CDH13: variants seen among roughly 807,000 people sequenced by gnomAD.
CDH13 encodes cadherin-13.
In CDH13, 24 loss-of-function variants were observed where a neutral mutation model predicts 63.8. The observed-to-expected ratio is 0.38, with a 90% confidence interval of 0.27 to 0.53. The LOEUF is 0.53. CDH13 is among the 20% of genes least tolerant of loss of function. The probability of loss-of-function intolerance (pLI) is 0.85; values close to 1 mark genes in which losing one functional copy is unlikely to be tolerated. For synonymous variants in CDH13, 503 were observed against 355.3 expected (o/e 1.42, Z -4.67); for missense variants, 1,049 against 903.1 (o/e 1.16, Z -2.07).
chr16:82,977,796 G>T (rs1025495724), intron 2 of CDH13, among the ~76,000 whole-genome samples: 1 of 152,180 alleles, frequency 6.6e-6, no homozygotes, highest in Non-Finnish European at 1.5e-5. Flanking sequence ...GCAGAGGTAG[G>T]AACAGTTTGG....
intron 1 of CDH13, among the ~76,000 whole-genome samples, chr16:82,844,055 C>G (rs2039145376): frequency 6.6e-6 from 1 of 152,118 alleles, no homozygotes; most frequent in Admixed American, 6.5e-5. Context: ...AGTAATGGTC[C>G]CGTAATAAGT....
rs536613608 is a variant in CDH13 at position 83,103,576 on chromosome 16, A to T, written c.367-21809A>T. 4.6e-5 allele frequency among the ~76,000 whole-genome samples: 7 copies of T among 152,308 alleles called. No individual in the cohort carries two copies. The South Asian group carries it at 1.2e-3, about 27-fold the overall frequency. ...AACTTTTAATGTGGAAAGACAGCAC[A>T]TGCAGGAGATAAGAGGTAGAGTGGG... On this transcript the variant is annotated intron_variant, in intron 3 of 13. Coordinates refer to ENST00000567109, the MANE Select transcript of CDH13 (RefSeq NM_001257.5).
At chr16:82,675,667 C>A (rs974675793) in intron 1 of CDH13, among the ~76,000 whole-genome samples, 1 of 152,174 alleles carries the variant, frequency 6.6e-6, no homozygotes, top group Non-Finnish European at 1.5e-5. Flanking sequence ...GACTCACGTT[C>A]CTGCTTTTGG....
intron 6 of CDH13, among the ~76,000 whole-genome samples, chr16:83,359,103 G>A (rs2091110940): frequency 6.6e-6 from 1 of 152,046 alleles, no homozygotes; most frequent in Non-Finnish European, 1.5e-5. Flanking sequence ...AGTGAATCAA[G>A]TTGAAGTGCA....
intron 6 of CDH13, among the ~76,000 whole-genome samples, chr16:83,396,265 C>G (rs942784228): frequency 6.6e-6 from 1 of 152,114 alleles, no homozygotes; most frequent in Non-Finnish European, 1.5e-5. Flanking sequence ...GTTTTGTGAG[C>G]TATAAAATGG....
chr16:83,618,393 T>TTA (rs1384965973), intron 8 of CDH13, among the ~76,000 whole-genome samples: 7 of 151,042 alleles, frequency 4.6e-5, no homozygotes, highest in African/African-American at 1.7e-4. Flanking sequence ...CCACTGAGCT[T>TTA]TAGCCTGGAG....
intron 1 of CDH13, among the ~76,000 whole-genome samples, chr16:82,665,828 C>G (rs1395230919): frequency 6.6e-6 from 1 of 152,072 alleles, no homozygotes; most frequent in African/African-American, 2.4e-5. Flanking sequence ...CGTTAGCCTA[C>G]AGGAGGGCAA....
intron 4 of CDH13, among the ~76,000 whole-genome samples, chr16:83,136,293 C>T (rs1350900793): frequency 6.6e-6 from 1 of 151,770 alleles, no homozygotes; most frequent in African/African-American, 2.4e-5. Flanking sequence ...ACCATCCTGG[C>T]TAACATGGTG....
Position 82,993,765 on chromosome 16 carries a change from C to A in CDH13, c.158-38245C>A, listed in dbSNP as rs149931205. On this transcript the variant is annotated intron_variant, in intron 2 of 13. Transcript: ENST00000567109. ...GAAAACAGGCCACTGAAACAAACAC[C>A]AGCAGACATAGCATTGGCAGGATCT... Among the ~76,000 whole-genome samples, 710 of 152,244 alleles carry A rather than the reference C, an allele frequency of 4.7e-3. 11 individuals carry two copies. The highest frequency in any genetic ancestry group is 0.035 in the South Asian group (170 of 4,818).
intron 11 of CDH13, among the ~76,000 whole-genome samples, chr16:83,774,667 C>G (rs1387065102): frequency 6.6e-6 from 1 of 152,186 alleles, no homozygotes; most frequent in Non-Finnish European, 1.5e-5. Flanking sequence ...AGCCACCACA[C>G]CCGGCCTACC....
chr16:82,829,017 T>C (rs1309196929), intron 1 of CDH13, among the ~76,000 whole-genome samples: 5 of 151,974 alleles, frequency 3.3e-5, no homozygotes, highest in Non-Finnish European at 7.4e-5. Context: ...GAGCGATGGG[T>C]TTTAGAAAAA....
chr16:83,130,794 C>G (rs1423351424), intron 4 of CDH13, among the ~76,000 whole-genome samples: 1 of 152,122 alleles, frequency 6.6e-6, no homozygotes, highest in Non-Finnish European at 1.5e-5. Flanking sequence ...AAGTACGTAA[C>G]TGGTTCTTGA....
chr16:83,302,010 G>C (rs1301132089), intron 5 of CDH13, among the ~76,000 whole-genome samples: 2 of 151,694 alleles, frequency 1.3e-5, no homozygotes, highest in Non-Finnish European at 2.9e-5. Context: ...AAACTTGCTA[G>C]GGTTAAAATC....
intron 7 of CDH13, among the ~76,000 whole-genome samples, chr16:83,530,375 C>G (rs1243023531): frequency 6.6e-6 from 1 of 152,190 alleles, no homozygotes; most frequent in Non-Finnish European, 1.5e-5. Flanking sequence ...CACCTTCTTA[C>G]ACATTCAGAT....
In CDH13 at chr16:83,748,948, A is replaced by G. The variant is rs774367737; in HGVS notation, c.1681+698A>G. 3.3e-5 allele frequency among the ~76,000 whole-genome samples: 5 copies of G among 152,170 alleles called. No individual in the cohort carries two copies. In the East Asian group the frequency reaches 9.6e-4, roughly 29 times the overall value. ...CAACCTCTTAGGAGAGTGCATGGTA[A>G]TCTATGCAAGATGGTGGCCTGGACC... On this transcript the variant is annotated intron_variant, in intron 11 of 13. Coordinates refer to ENST00000567109, the MANE Select transcript of CDH13 (RefSeq NM_001257.5).
chr16:83,632,985 C>T lies in CDH13; in HGVS notation c.1101+30391C>T, dbSNP rs940519176. On this transcript the variant is annotated intron_variant, in intron 8 of 13. Coordinates refer to ENST00000567109, the MANE Select transcript of CDH13 (RefSeq NM_001257.5). ...CCATGGCATTTGTAAACTGTCATGG[C>T]ACTGGTGGGAGTGTCTTTTGACATG... Among the ~76,000 whole-genome samples, 4 of 151,938 alleles carry T rather than the reference C, an allele frequency of 2.6e-5. No homozygotes were observed. The East Asian group carries it at 7.8e-4, about 30-fold the overall frequency.
intron 3 of CDH13, among the ~76,000 whole-genome samples, chr16:83,074,207 T>A (rs72796243): frequency 6.6e-6 from 1 of 152,160 alleles, no homozygotes; most frequent in Non-Finnish European, 1.5e-5. Flanking sequence ...TTTCTCCATA[T>A]TTTAGGTCCC....
At chr16:82,973,453 C>G (rs866814947) in intron 2 of CDH13, among the ~76,000 whole-genome samples, 8 of 152,270 alleles carry the variant, frequency 5.3e-5, no homozygotes, top group Middle Eastern at 3.4e-3. Context: ...GTTCACTGTT[C>G]AATTTAACAA....
intron 6 of CDH13, among the ~76,000 whole-genome samples, chr16:83,359,297 C>T (rs1032230884): frequency 1.3e-5 from 2 of 152,146 alleles, no homozygotes; most frequent in African/African-American, 4.8e-5. Flanking sequence ...CTCTTTTGAT[C>T]ATGAGGCTAA....
Sources: gnomAD v4.1 joint callset for allele counts (sites outside exome capture counted in the v4.1 genomes callset) on GRCh38, gnomAD v4.1.1 for gene constraint, MANE v1.5 for transcripts, NCBI Gene and HGNC (gene_info 2026-07-23, HGNC 2026-07-21) for gene names.